Variants in COL18A1 observed in about 807,000 individuals in gnomAD.
The protein encoded by COL18A1 is collagen type XVIII alpha 1 chain.
In COL18A1, 133 loss-of-function variants were observed where a neutral mutation model predicts 168.0. The ratio of observed to expected loss-of-function variants is 0.79; its 90% CI spans 0.69 to 0.91. The LOEUF is 0.91. COL18A1 is among the 40% of genes least tolerant of loss of function. The pLI is 0.00. For missense variants in COL18A1, 2,126 were observed against 1,925.4 expected, an observed-to-expected ratio of 1.10 and a Z score of -1.95; for synonymous variants, 949 against 809.0, an observed-to-expected ratio of 1.17 and a Z score of -2.94.
chr21:45,478,431 C>T (rs2035761677), intron 9 of COL18A1, 78 bp downstream of exon 9: 2 of 1,601,378 alleles, frequency 1.2e-6, no homozygotes, highest in Non-Finnish European at 1.7e-6. Context: ...GCCAGTGACA[C>T]TCTTTTTAAA....
intron 4 of COL18A1, among the ~76,000 whole-genome samples, chr21:45,475,030 C>G (rs1373866191): frequency 6.6e-6 from 1 of 152,192 alleles, no homozygotes; most frequent in African/African-American, 2.4e-5. Flanking sequence ...GTAGCGGTCC[C>G]TGAGGATGTT....
At position 45,471,722 on chromosome 21, in the gene COL18A1, T is replaced by G. The variant is rs1419399309; in HGVS notation, c.652-2173T>G. On this transcript the variant is annotated intron_variant, in intron 3 of 41. Coordinates refer to ENST00000651438, the MANE Select transcript of COL18A1 (RefSeq NM_001379500.1). This position sits in a 1 kb window ranked among gnomAD's most constrained non-coding sequence, Gnocchi z 4.4. Reference sequence around the variant, plus strand: ...CGTTGCCTTGAACGTCATTTCCAGCTGTGTCCTGATTTCCAGCTGTGTCCT... The same window carrying G: ...CGTTGCCTTGAACGTCATTTCCAGCGGTGTCCTGATTTCCAGCTGTGTCCT... Among the ~76,000 whole-genome samples the G allele has an allele frequency of 1.3e-5, 2 of 151,134 alleles. No homozygotes were observed. Among genetic ancestry groups the G allele is most frequent in the Non-Finnish European group, 3.0e-5 (2 of 67,538 alleles).
Position 45,468,404 on chromosome 21 carries a change from G to A in COL18A1, c.269G>A (p.Arg90His), listed in dbSNP as rs555610408. Residue 90 changes from arginine (R) to histidine (H), a missense_variant, in exon 3 of 42, where the codon CGT becomes CAT. Arg to His is a conservative substitution (Grantham distance 29). Transcript: ENST00000651438. ...TACCACTTCCCCAGCCTCTTCTTCC[G>A]TGACTTCTCACTGCTGTTCCACATC... ...ARYHFPSLFF[R>H]DFSLLFHIRP... is the part of the protein sequence containing the mutation. 1.8e-5 allele frequency: 29 copies of A among 1,614,002 alleles called. No homozygotes were observed. Among genetic ancestry groups the A allele is most frequent in the East Asian group, 6.7e-5 (3 of 44,880 alleles).
At chr21:45,411,766 TGG>T (rs56879596) in intron 2 of COL18A1, among the ~76,000 whole-genome samples, 12 of 39,258 alleles carry the variant, frequency 3.1e-4, no homozygotes, top group African/African-American at 7.0e-4. Context: ...TGGCGGGGGG[TGG>T]GGGGGGGGCA....
At chr21:45,426,573 G>A (rs1288293001) in intron 2 of COL18A1, among the ~76,000 whole-genome samples, 1 of 152,168 alleles carries the variant, frequency 6.6e-6, no homozygotes, top group Non-Finnish European at 1.5e-5. Flanking sequence ...GCCACGCCCT[G>A]AGTGGGAGAG....
At chr21:45,506,328 GACGTCCACAGC>G in intron 37 of COL18A1, 1 of 363,852 alleles carries the variant, frequency 2.7e-6, no homozygotes, top group Non-Finnish European at 5.4e-6. Flanking sequence ...AGGGCCACGT[GACGTCCACAGC>G]ACGGCCCCGG....
At chr21:45,506,384 G>A (rs1029753804) in intron 37 of COL18A1, 12 of 337,402 alleles carry the variant, frequency 3.6e-5, no homozygotes, top group Middle Eastern at 1.1e-3. Context: ...TCTGCACCCC[G>A]CGTTATAAAC....
chr21:45,499,788 G>A (rs1228215569), intron 32 of COL18A1, among the ~76,000 whole-genome samples: 1 of 152,172 alleles, frequency 6.6e-6, no homozygotes, highest in Non-Finnish European at 1.5e-5. Flanking sequence ...CAGGCAGGAC[G>A]GCACACACAC....
chr21:45,504,451 A>C lies in COL18A1; in HGVS notation c.2763A>C (p.Lys921Asn). 6.2e-7 allele frequency: 1 copy of C among 1,611,560 alleles called. No individual in the cohort carries two copies. The highest frequency in any genetic ancestry group is 8.5e-7 in the Non-Finnish European group (1 of 1,179,316). ...GAGACCGAGGTGATGCAGGACAGAA[A>C]GGCGAAAGGGGGGAGCCCGGGGGCG... ...EKGDRGDAGQKGERGEPGGGG... is the reference protein window; with the variant it reads ...EKGDRGDAGQNGERGEPGGGG... Residue 921 changes from lysine (K) to asparagine (N), a missense_variant, in exon 34 of 42, where the codon AAA becomes AAC. Transcript: ENST00000651438.
At chr21:45,455,661 CG>C (rs1568879570) in intron 2 of COL18A1, 1 of 1,613,910 alleles carries the variant, frequency 6.2e-7, no homozygotes, top group Non-Finnish European at 8.5e-7. Context: ...GCAGCTACCA[CG>C]ATCCCTGAGC....
At chr21:45,448,817 T>A (rs1259054187) in intron 2 of COL18A1, among the ~76,000 whole-genome samples, 1 of 152,234 alleles carries the variant, frequency 6.6e-6, no homozygotes, top group Non-Finnish European at 1.5e-5. Flanking sequence ...CGTGTTGCAT[T>A]AGTGTCCTGC....
intron 2 of COL18A1, among the ~76,000 whole-genome samples, chr21:45,412,237 CTT>C (rs138419367): frequency 3.6e-4 from 19 of 52,570 alleles, no homozygotes; most frequent in Non-Finnish European, 7.4e-4. Context: ...GGGTATATTT[CTT>C]TTTTTTTTTT....
At chr21:45,481,634 G>A (rs371422737) in intron 13 of COL18A1, among the ~76,000 whole-genome samples, 1 of 152,230 alleles carries the variant, frequency 6.6e-6, no homozygotes, top group Admixed American at 6.5e-5. Context: ...AGGGGAATTT[G>A]GGCTTAAAGA....
At chr21:45,436,395 G>A (rs112836219) in intron 2 of COL18A1, among the ~76,000 whole-genome samples, 9,734 of 152,258 alleles carry the variant, frequency 0.064, 545 homozygotes, top group African/African-American at 0.15. Context: ...GGACTGTGCC[G>A]CCGCCCCATT....
At chr21:45,470,189 T>C (rs1172122459) in intron 3 of COL18A1, among the ~76,000 whole-genome samples, 2 of 151,686 alleles carry the variant, frequency 1.3e-5, no homozygotes, top group African/African-American at 4.9e-5. Context: ...GAAGAGGGGG[T>C]CTGGGTGTTT....
intron 2 of COL18A1, among the ~76,000 whole-genome samples, chr21:45,442,931 T>A (rs1162208253): frequency 2.1e-5 from 2 of 96,326 alleles, no homozygotes; most frequent in African/African-American, 1.1e-4. Context: ...TGGGCGGTGG[T>A]GGTGCTGGTG....
At chr21:45,405,560 C>G in intron 2 of COL18A1, 87 bp downstream of exon 2, 7 of 804,874 alleles carry the variant, frequency 8.7e-6, no homozygotes, top group Non-Finnish European at 1.1e-5. Context: ...CTCCCTCACC[C>G]CCGCCCCGGC....
chr21:45,418,325 G>A (rs1055794382), intron 2 of COL18A1, among the ~76,000 whole-genome samples: 1 of 152,106 alleles, frequency 6.6e-6, no homozygotes, highest in Non-Finnish European at 1.5e-5. Context: ...CGCCAGCATC[G>A]CTGAGGGTCC....
At chr21:45,482,895 T>C in intron 15 of COL18A1, 74 bp downstream of exon 15, 2 of 1,610,134 alleles carry the variant, frequency 1.2e-6, no homozygotes. Flanking sequence ...CCAAAGAGGG[T>C]GGCAGCCCCA....
Sources: gnomAD v4.1 joint callset for allele counts (sites outside exome capture counted in the v4.1 genomes callset) on GRCh38, gnomAD v4.1.1 for gene constraint, Gnocchi (gnomAD v3.1) non-coding constraint, MANE v1.5 for transcripts, NCBI Gene and HGNC (gene_info 2026-07-23, HGNC 2026-07-21) for gene names.